PLXDC2: variants seen among roughly 807,000 people sequenced by gnomAD.
PLXDC2 encodes plexin domain-containing protein 2.
Under a neutral mutation model 68.9 loss-of-function variants are expected in PLXDC2, and 40 were observed. The ratio of observed to expected loss-of-function variants is 0.58; its 90% CI spans 0.45 to 0.76. The LOEUF is 0.76. PLXDC2 is among the 30% of genes least tolerant of loss of function. The pLI, the probability that PLXDC2 is intolerant of heterozygous loss-of-function variation, is 0.00. For missense variants in PLXDC2, 644 were observed against 661.9 expected (o/e 0.97, Z 0.30); for synonymous variants, 243 against 234.2 (o/e 1.04, Z -0.34).
intron 1 of PLXDC2, among the ~76,000 whole-genome samples, chr10:19,968,936 C>T (rs1834307135): frequency 6.6e-6 from 1 of 152,132 alleles, no homozygotes; most frequent in Admixed American, 6.5e-5. Context: ...GGGGACCTGG[C>T]ATCTGTAAGT....
chr10:20,132,185 T>G (rs893084667), intron 4 of PLXDC2, among the ~76,000 whole-genome samples: 1 of 152,230 alleles, frequency 6.6e-6, no homozygotes, highest in Non-Finnish European at 1.5e-5. Context: ...GATTTCTAAT[T>G]TCATTTCATC....
intron 1 of PLXDC2, among the ~76,000 whole-genome samples, chr10:19,839,174 G>A (rs1011189071): frequency 1.2e-4 from 17 of 137,476 alleles, no homozygotes; most frequent in Non-Finnish European, 2.2e-4. Context: ...AGACAAGAGC[G>A]AAACTCAGTC....
At chr10:20,004,841 A>C (rs536332371) in intron 2 of PLXDC2, among the ~76,000 whole-genome samples, 44 of 152,240 alleles carry the variant, frequency 2.9e-4, no homozygotes, top group Middle Eastern at 3.4e-3. Context: ...ACCTTAACAG[A>C]GGGAGACCAC....
At chr10:20,140,623 C>G (rs1564330317) in intron 4 of PLXDC2, among the ~76,000 whole-genome samples, 1 of 151,940 alleles carries the variant, frequency 6.6e-6, no homozygotes, top group Non-Finnish European at 1.5e-5. Flanking sequence ...TCTCTCCACT[C>G]AATTATTAAC....
chr10:19,956,522 A>C (rs1427175638), intron 1 of PLXDC2, among the ~76,000 whole-genome samples: 1 of 152,230 alleles, frequency 6.6e-6, no homozygotes, highest in South Asian at 2.1e-4. Flanking sequence ...CAGCAAAAAC[A>C]TCAGCTCTCA....
intron 1 of PLXDC2, among the ~76,000 whole-genome samples, chr10:19,964,224 A>G (rs1482539643): frequency 6.6e-6 from 1 of 152,182 alleles, no homozygotes; most frequent in African/African-American, 2.4e-5. Context: ...TTGGTGAGAG[A>G]TGCAGACCAT....
At chr10:20,187,574 G>A (rs1449503089) in intron 9 of PLXDC2, among the ~76,000 whole-genome samples, 2 of 151,402 alleles carry the variant, frequency 1.3e-5, no homozygotes, top group Non-Finnish European at 3.0e-5. Flanking sequence ...GTAATTCCTA[G>A]CACATAATTT....
intron 1 of PLXDC2, among the ~76,000 whole-genome samples, chr10:19,966,180 A>G (rs938284126): frequency 6.7e-6 from 1 of 149,524 alleles, no homozygotes; most frequent in African/African-American, 2.4e-5. Flanking sequence ...ATGTGTATAT[A>G]TAGTATATAT....
chr10:20,154,170 A>C (rs1313345384), intron 6 of PLXDC2, among the ~76,000 whole-genome samples: 1 of 152,210 alleles, frequency 6.6e-6, no homozygotes, highest in South Asian at 2.1e-4. Flanking sequence ...TTAAGTTGCC[A>C]TTAAATAGTG....
chr10:19,818,501 G>A (rs982416703), intron 1 of PLXDC2, among the ~76,000 whole-genome samples: 1 of 152,034 alleles, frequency 6.6e-6, no homozygotes, highest in Non-Finnish European at 1.5e-5. Context: ...CTGACTCTGC[G>A]CTCTTATTTA....
intron 13 of PLXDC2, among the ~76,000 whole-genome samples, chr10:20,262,441 C>A (rs1835819789): frequency 6.6e-6 from 1 of 152,222 alleles, no homozygotes; most frequent in South Asian, 2.1e-4. Context: ...GAAAAAGTAG[C>A]TGTAGCCTCG....
rs113331539 is a variant in PLXDC2 at position 20,188,406 on chromosome 10, A to G, written c.1061+10997A>G. 4.4e-3 allele frequency among the ~76,000 whole-genome samples: 661 copies of G among 151,862 alleles called. 2 individuals are homozygous for G. Among genetic ancestry groups the G allele is most frequent in the African/African-American group, 0.015 (630 of 41,510 alleles). The stretch of plus-strand genomic sequence containing the variant: ...TTCACAGCATAATATTAATATTAAT[A>G]CAGTTAAGAATTGGCACAGAATTTT... On this transcript the variant is annotated intron_variant, in intron 9 of 13. Coordinates refer to ENST00000377252, the MANE Select transcript of PLXDC2 (RefSeq NM_032812.9).
chr10:20,124,696 GGTT>G (rs542241194), intron 4 of PLXDC2, among the ~76,000 whole-genome samples: 164 of 151,914 alleles, frequency 1.1e-3, no homozygotes, highest in African/African-American at 3.5e-3. Context: ...GGAAAAAGGG[GGTT>G]GTTCTCTGGC....
chr10:19,946,436 C>A (rs1348199582), intron 1 of PLXDC2, among the ~76,000 whole-genome samples: 1 of 151,982 alleles, frequency 6.6e-6, no homozygotes, highest in South Asian at 2.1e-4. Flanking sequence ...ATGTCCACAT[C>A]CTATTTCCCA....
chr10:20,116,955 A>C (rs1833630295), intron 4 of PLXDC2, among the ~76,000 whole-genome samples: 1 of 152,156 alleles, frequency 6.6e-6, no homozygotes, highest in Non-Finnish European at 1.5e-5. Flanking sequence ...CAATGAATAA[A>C]AATGAAAAAA....
chr10:19,897,416 G>GT (rs537245883), intron 1 of PLXDC2, among the ~76,000 whole-genome samples: 25 of 151,384 alleles, frequency 1.7e-4, no homozygotes, highest in South Asian at 2.1e-4. Flanking sequence ...GTTTTGTATT[G>GT]TTTTTTTTAG....
intron 2 of PLXDC2, among the ~76,000 whole-genome samples, chr10:20,033,518 A>G (rs1835534358): frequency 6.6e-6 from 1 of 152,216 alleles, no homozygotes; most frequent in Middle Eastern, 3.2e-3. Flanking sequence ...CATAAAGGAA[A>G]GAGTTCCACA....
chr10:20,152,417 G>A (rs190569192), intron 6 of PLXDC2, among the ~76,000 whole-genome samples: 1 of 152,082 alleles, frequency 6.6e-6, no homozygotes, highest in Non-Finnish European at 1.5e-5. Flanking sequence ...ATAGCTCTGT[G>A]TTGTTCAACC....
At chr10:20,215,009 A>G (rs966624984) in intron 10 of PLXDC2, among the ~76,000 whole-genome samples, 4 of 152,232 alleles carry the variant, frequency 2.6e-5, no homozygotes, top group African/African-American at 9.6e-5. Context: ...TGAATAATCA[A>G]CATAAAGATG....
Sources: gnomAD v4.1 joint callset for allele counts (sites outside exome capture counted in the v4.1 genomes callset) on GRCh38, gnomAD v4.1.1 for gene constraint, MANE v1.5 for transcripts, NCBI Gene and HGNC (gene_info 2026-07-23, HGNC 2026-07-21) for gene names.